IQSEC1: variants seen among roughly 807,000 people sequenced by gnomAD.
IQSEC1 encodes IQ motif and SEC7 domain-containing protein 1.
IQSEC1 carries 31 observed loss-of-function variants against 91.0 expected under a neutral mutation model. The observed-to-expected ratio is 0.34, with a 90% CI of 0.26 to 0.46. The LOEUF (loss-of-function observed/expected upper bound fraction) is 0.46, where lower values mean the gene tolerates loss of function less well. Ranked by LOEUF, IQSEC1 falls within the 20% of genes least tolerant of loss-of-function variation. The probability of loss-of-function intolerance (pLI) is 1.00; values close to 1 mark genes in which losing one functional copy is unlikely to be tolerated. For synonymous variants in IQSEC1, 699 were observed against 662.6 expected, an observed-to-expected ratio of 1.05 and a Z score of -0.84; for missense variants, 1,388 against 1,575.6, an observed-to-expected ratio of 0.88 and a Z score of 2.02.
intron 1 of IQSEC1, among the ~76,000 whole-genome samples, chr3:13,248,429 TGG>T (rs1380603713): frequency 2.0e-5 from 3 of 152,184 alleles, no homozygotes; most frequent in African/African-American, 4.8e-5. Context: ...AGAGTCCCTC[TGG>T]TTTCCAATCG....
At chr3:13,115,716 C>T (rs1410491694) in intron 2 of IQSEC1, among the ~76,000 whole-genome samples, 1 of 152,240 alleles carries the variant, frequency 6.6e-6, no homozygotes, top group South Asian at 2.1e-4. Flanking sequence ...CTGAAGTGGG[C>T]ACTCACCAGA....
At chr3:13,129,208 G>C (rs1323233420) in intron 2 of IQSEC1, among the ~76,000 whole-genome samples, 1 of 152,182 alleles carries the variant, frequency 6.6e-6, no homozygotes, top group Non-Finnish European at 1.5e-5. Flanking sequence ...GTTAGTTTGT[G>C]TCTTTCAAGA....
chr3:13,119,508 G>A (rs1706389694), intron 2 of IQSEC1, among the ~76,000 whole-genome samples: 1 of 152,244 alleles, frequency 6.6e-6, no homozygotes, highest in South Asian at 2.1e-4. Context: ...CAGTTTAATG[G>A]AGCAGTATCA....
At chr3:13,082,089 G>A (rs987289010) in intron 2 of IQSEC1, among the ~76,000 whole-genome samples, 16 of 152,140 alleles carry the variant, frequency 1.1e-4, no homozygotes, top group South Asian at 2.1e-4. Flanking sequence ...CCCGAGTCGC[G>A]CAGGGCAGCA....
intron 1 of IQSEC1, among the ~76,000 whole-genome samples, chr3:13,176,682 C>T (rs986888621): frequency 2.6e-5 from 4 of 152,228 alleles, no homozygotes; most frequent in Admixed American, 1.3e-4. Flanking sequence ...GGACACCACA[C>T]CAAAGCACAG....
intron 2 of IQSEC1, among the ~76,000 whole-genome samples, chr3:13,156,566 C>G (rs921583154): frequency 1.1e-4 from 16 of 152,210 alleles, no homozygotes; most frequent in Admixed American, 5.2e-4. Flanking sequence ...CAGAGGTGCT[C>G]CCCTTGGATG....
chr3:12,901,185 G>GGGTGGT lies in IQSEC1; in HGVS notation c.3137_3142dup (p.His1046_His1047dup), dbSNP rs753048535. The GGGTGGT allele has an allele frequency of 5.2e-6, 8 of 1,540,880 alleles. No individual in the cohort carries two copies. The highest frequency in any genetic ancestry group is 6.1e-6 in the Non-Finnish European group (7 of 1,140,764). On this transcript the variant is annotated inframe_insertion, in exon 14 of 14. Transcript: ENST00000613206. Reference sequence around the variant, plus strand: ...GTGTGCGTGCTGGATGTGCTGGGGTGGGTGGTGGTGGTGGTGATGGTGGTA... The same window carrying GGGTGGT: ...GTGTGCGTGCTGGATGTGCTGGGGTGGGTGGTGGTGGTGGTGGTGGTGATGGTGGTA...
chr3:13,065,251 C>T (rs1705195322), intron 1 of IQSEC1, among the ~76,000 whole-genome samples: 1 of 152,240 alleles, frequency 6.6e-6, no homozygotes, highest in Non-Finnish European at 1.5e-5. Flanking sequence ...GTGTCACCAG[C>T]TTGCTGAGGG....
chr3:13,145,486 T>A (rs1046804491), intron 2 of IQSEC1, among the ~76,000 whole-genome samples: 9 of 151,994 alleles, frequency 5.9e-5, no homozygotes, highest in Non-Finnish European at 1.2e-4. Context: ...GAAAAGACAA[T>A]CCCTCACAGA....
chr3:13,219,589 T>C (rs952960023), intron 1 of IQSEC1, among the ~76,000 whole-genome samples: 3 of 152,260 alleles, frequency 2.0e-5, no homozygotes, highest in African/African-American at 7.2e-5. Flanking sequence ...TCTTCGGGGA[T>C]CAGCGGAGGT....
rs1261174046 is a variant in IQSEC1, at chr3:12,915,267, G to A, written c.2161-134C>T. 7.6e-6 allele frequency: 8 copies of A among 1,054,200 alleles called. No individual in the cohort carries two copies. In the East Asian group the frequency reaches 1.8e-4, roughly 24 times the overall value. 65.3% of individuals were successfully genotyped at this position (1,054,200 alleles called of 1,614,324 possible). A position where few individuals can be genotyped will look rare whatever the true frequency, so the allele number is the denominator to read the frequency against. ...AGTATGTGGGGTACCCACTCTCTCT[G>A]GCAGAGCTCTCTGAGGGGTCCCAGG... On this transcript the variant is annotated intron_variant, in intron 7 of 13. Coordinates refer to ENST00000613206, the MANE Select transcript of IQSEC1 (RefSeq NM_001134382.3).
At chr3:12,996,956 C>T (rs183228713) in intron 1 of IQSEC1, among the ~76,000 whole-genome samples, 151 of 152,302 alleles carry the variant, frequency 9.9e-4, no homozygotes, top group African/African-American at 3.5e-3. Context: ...GGTGAGGTGC[C>T]AGATGGTGCA....
intron 1 of IQSEC1, among the ~76,000 whole-genome samples, chr3:13,236,463 G>A (rs1694930278): frequency 6.6e-6 from 1 of 152,234 alleles, no homozygotes; most frequent in Non-Finnish European, 1.5e-5. Context: ...CGTTAGTGGG[G>A]ACACGGTGGT....
chr3:13,268,836 T>C (rs1029050930), intron 1 of IQSEC1, among the ~76,000 whole-genome samples: 1 of 152,156 alleles, frequency 6.6e-6, no homozygotes, highest in Non-Finnish European at 1.5e-5. Context: ...GAGCAAGGTA[T>C]GGCTGCTGCC....
chr3:12,993,018 G>A (rs1477214362), intron 1 of IQSEC1, among the ~76,000 whole-genome samples: 1 of 152,118 alleles, frequency 6.6e-6, no homozygotes, highest in East Asian at 1.9e-4. Context: ...TAAGACCCTG[G>A]CCCAGGAGTG....
chr3:13,277,406 C>G (rs867439311), intron 1 of IQSEC1, among the ~76,000 whole-genome samples: 6 of 152,210 alleles, frequency 3.9e-5, no homozygotes, highest in Admixed American at 1.3e-4. Flanking sequence ...GCACACAGTG[C>G]CACTCGCTGT....
At chr3:13,002,940 A>G (rs922136677) in intron 1 of IQSEC1, among the ~76,000 whole-genome samples, 19 of 152,350 alleles carry the variant, frequency 1.2e-4, no homozygotes, top group African/African-American at 4.1e-4. Context: ...AGTTAAACAG[A>G]GAGTTACTAT....
chr3:13,279,237 A>G (rs1429607658), intron 1 of IQSEC1, among the ~76,000 whole-genome samples: 1 of 152,190 alleles, frequency 6.6e-6, no homozygotes, highest in Non-Finnish European at 1.5e-5. Flanking sequence ...AGTGCCTATT[A>G]TGCGTCTGAA....
chr3:13,003,391 G>C (rs1702509086), intron 1 of IQSEC1, among the ~76,000 whole-genome samples: 1 of 151,642 alleles, frequency 6.6e-6, no homozygotes, highest in South Asian at 2.1e-4. Context: ...AAAAGGACAC[G>C]TGTTGTATGA....
Sources: gnomAD v4.1 joint callset for allele counts (sites outside exome capture counted in the v4.1 genomes callset) on GRCh38, gnomAD v4.1.1 for gene constraint, MANE v1.5 for transcripts, NCBI Gene and HGNC (gene_info 2026-07-23, HGNC 2026-07-21) for gene names.